Variants in SOS2 observed in about 807,000 individuals in gnomAD.
The protein encoded by SOS2 is SOS Ras/Rho guanine nucleotide exchange factor 2, also known as son of sevenless homolog 2.
SOS2 carries 65 observed loss-of-function variants against 148.2 expected under a neutral mutation model. The ratio of observed to expected loss-of-function variants is 0.44; its 90% CI spans 0.36 to 0.54. SOS2 has a LOEUF of 0.54. Ranked by LOEUF, SOS2 falls within the 20% of genes least tolerant of loss-of-function variation. The pLI is 0.00. For synonymous variants in SOS2, 539 were observed against 537.1 expected (o/e 1.00, Z -0.05); for missense variants, 1,341 against 1,590.2 (o/e 0.84, Z 2.67).
chr14:50,219,876 A>G (rs1887148378), intron 1 of SOS2, among the ~76,000 whole-genome samples: 1 of 152,002 alleles, frequency 6.6e-6, no homozygotes, highest in South Asian at 2.1e-4. Context: ...GTGTGGAGAC[A>G]GAATCTTGCT....
At chr14:50,139,219 TTC>T (rs1884182835) in intron 17 of SOS2, among the ~76,000 whole-genome samples, 2 of 152,236 alleles carry the variant, frequency 1.3e-5, no homozygotes, top group South Asian at 2.1e-4. Context: ...TATAAACTAA[TTC>T]TGTTTTTTCA....
At chr14:50,189,330 G>GAAAAAAAAAAAAAAA (rs1566472509) in intron 4 of SOS2, among the ~76,000 whole-genome samples, 1 of 3,602 alleles carries the variant, frequency 2.8e-4, no homozygotes, top group Admixed American at 4.6e-3. Flanking sequence ...ACACATAATA[G>GAAAAAAAAAAAAAAA]CAAAAAAAAA....
intron 1 of SOS2, among the ~76,000 whole-genome samples, chr14:50,216,279 T>A (rs1887038575): frequency 6.6e-6 from 1 of 151,618 alleles, no homozygotes; most frequent in Non-Finnish European, 1.5e-5. Flanking sequence ...GTATTTTCAG[T>A]AGAGACAGGG....
chr14:50,144,586 C>A (rs992227702), intron 16 of SOS2, among the ~76,000 whole-genome samples: 1 of 151,714 alleles, frequency 6.6e-6, no homozygotes, highest in Non-Finnish European at 1.5e-5. Context: ...AACAGGCGTG[C>A]GCCACCATGC....
chr14:50,228,586 CTT>C (rs1345401123), intron 1 of SOS2, among the ~76,000 whole-genome samples: 1 of 152,128 alleles, frequency 6.6e-6, no homozygotes, highest in Non-Finnish European at 1.5e-5. Flanking sequence ...GAAGTGATGA[CTT>C]TACCTTTCTG....
chr14:50,125,793 G>A (rs1284036827), intron 21 of SOS2, among the ~76,000 whole-genome samples: 1 of 152,186 alleles, frequency 6.6e-6, no homozygotes, highest in East Asian at 1.9e-4. Context: ...GCCAGGCAAT[G>A]ACCTCATTCC....
At position 50,224,302 on chromosome 14, in the gene SOS2, AAAATATAT is replaced by A. The variant is rs1340933759; in HGVS notation, c.87+6887_87+6894del. On this transcript the variant is annotated intron_variant, in intron 1 of 22. Coordinates refer to ENST00000216373, the MANE Select transcript of SOS2 (RefSeq NM_006939.4). ...CAAGACTCCGTCTCAGGAAAAAAAA[AAAATATAT>A]ATATACACACACACACACACACACA... Among the ~76,000 whole-genome samples the A allele has an allele frequency of 2.7e-3, 215 of 79,870 alleles. 8 individuals are homozygous for A. The Middle Eastern group carries it at 0.045, about 17-fold the overall frequency. The allele number at this position is 79,870 out of a possible 152,430, so 52.4% of individuals were successfully genotyped here.
chr14:50,126,224 T>G (rs1883675759), intron 21 of SOS2, among the ~76,000 whole-genome samples: 1 of 152,182 alleles, frequency 6.6e-6, no homozygotes. Flanking sequence ...AAAACAAATT[T>G]TTTTTCAAAA....
At chr14:50,127,635 A>G (rs1217140078) in intron 21 of SOS2, among the ~76,000 whole-genome samples, 3 of 152,074 alleles carry the variant, frequency 2.0e-5, no homozygotes, top group African/African-American at 7.2e-5. Context: ...ATAAACTTCT[A>G]TTTCATTTAA....
chr14:50,128,577 C>T (rs899913951), intron 21 of SOS2, among the ~76,000 whole-genome samples: 17 of 152,084 alleles, frequency 1.1e-4, no homozygotes, highest in African/African-American at 3.9e-4. Flanking sequence ...TCTCATCCAC[C>T]ATAAGAGGAG....
intron 21 of SOS2, among the ~76,000 whole-genome samples, chr14:50,125,609 C>CAAATGTT (rs3041510): frequency 3.2e-4 from 1 of 3,126 alleles, no homozygotes; most frequent in Non-Finnish European, 8.2e-4. Context: ...AGATGAAACC[C>CAAATGTT]TACAGAGAGT....
intron 12 of SOS2, chr14:50,156,291 G>T (rs1443445194): frequency 6.8e-6 from 1 of 147,724 alleles, no homozygotes; most frequent in Non-Finnish European, 1.5e-5. Flanking sequence ...CGCAAAGAAA[G>T]TCAGACATGA....
At chr14:50,171,221 A>G (rs1885351862) in intron 8 of SOS2, among the ~76,000 whole-genome samples, 1 of 152,164 alleles carries the variant, frequency 6.6e-6, no homozygotes, top group Admixed American at 6.6e-5. Flanking sequence ...TGCCATTACT[A>G]TGAAAAACAG....
At chr14:50,137,850 T>G (rs537579000) in intron 18 of SOS2, among the ~76,000 whole-genome samples, 1 of 152,310 alleles carries the variant, frequency 6.6e-6, no homozygotes, top group Non-Finnish European at 1.5e-5. Context: ...TTTTTTATTT[T>G]ATTTTTTGAG....
chr14:50,222,697 A>T (rs1887236874), intron 1 of SOS2, among the ~76,000 whole-genome samples: 1 of 152,224 alleles, frequency 6.6e-6, no homozygotes, highest in Non-Finnish European at 1.5e-5. Flanking sequence ...CAAGAAAGCC[A>T]GTATGGGGCA....
chr14:50,216,228 C>T (rs1887037075), intron 1 of SOS2, among the ~76,000 whole-genome samples: 1 of 151,492 alleles, frequency 6.6e-6, no homozygotes, highest in Non-Finnish European at 1.5e-5. Flanking sequence ...TCCCAAGTAG[C>T]TGGGACTACA....
intron 2 of SOS2, among the ~76,000 whole-genome samples, chr14:50,202,417 G>T (rs747463111): frequency 1.9e-4 from 29 of 152,178 alleles, no homozygotes; most frequent in Non-Finnish European, 3.7e-4. Flanking sequence ...TATGCTTTCA[G>T]TCTGTTTATT....
intron 8 of SOS2, 74 bp from the exon 9 acceptor site, chr14:50,161,683 G>A (rs1323302679): frequency 3.1e-5 from 43 of 1,381,862 alleles, no homozygotes; most frequent in Admixed American, 4.1e-5. Flanking sequence ...AATAGAAAAA[G>A]CAGCAACAAA....
At chr14:50,156,456 CAGT>C (rs1346181243) in intron 12 of SOS2, 1 of 152,170 alleles carries the variant, frequency 6.6e-6, no homozygotes, top group African/African-American at 2.4e-5. Flanking sequence ...CCCCGGCACA[CAGT>C]AGTATTTATT....
Sources: gnomAD v4.1 joint callset for allele counts (sites outside exome capture counted in the v4.1 genomes callset) on GRCh38, gnomAD v4.1.1 for gene constraint, MANE v1.5 for transcripts, NCBI Gene and HGNC (gene_info 2026-07-23, HGNC 2026-07-21) for gene names.